The following GRIN2B variants were observed in gnomAD, a reference collection of about 807,000 sequenced individuals.
The protein encoded by GRIN2B is glutamate ionotropic receptor NMDA type subunit 2B, also known as glutamate receptor ionotropic, NMDA 2B.
Under a neutral mutation model 114.5 loss-of-function variants are expected in GRIN2B, and 5 were observed. The ratio of observed to expected loss-of-function variants is 0.04; its 90% CI spans 0.02 to 0.09. The LOEUF is 0.09. GRIN2B is among the 10% of genes least tolerant of loss of function. The pLI is 1.00. For missense variants in GRIN2B, 1,108 were observed against 1,943.5 expected, an observed-to-expected ratio of 0.57 and a Z score of 8.08; for synonymous variants, 787 against 745.1, an observed-to-expected ratio of 1.06 and a Z score of -0.92.
chr12:13,933,753 A>G (rs962830183), intron 2 of GRIN2B, among the ~76,000 whole-genome samples: 5 of 152,216 alleles, frequency 3.3e-5, no homozygotes, highest in African/African-American at 1.2e-4. Flanking sequence ...CTGCAGGTGC[A>G]TGGCCAAGTT....
At chr12:13,682,805 T>A (rs1274719341) in intron 4 of GRIN2B, among the ~76,000 whole-genome samples, 5 of 152,130 alleles carry the variant, frequency 3.3e-5, no homozygotes, top group Non-Finnish European at 7.4e-5. Context: ...AAATTCACCA[T>A]CTATTATGAA....
chr12:13,737,806 T>C (rs1204130436), intron 4 of GRIN2B, among the ~76,000 whole-genome samples: 1 of 152,224 alleles, frequency 6.6e-6, no homozygotes, highest in Non-Finnish European at 1.5e-5. Flanking sequence ...ACTTTAACAA[T>C]AGTAATAAGC....
At chr12:13,662,876 G>T (rs1949937658) in intron 5 of GRIN2B, among the ~76,000 whole-genome samples, 1 of 152,108 alleles carries the variant, frequency 6.6e-6, no homozygotes, top group African/African-American at 2.4e-5. Context: ...AAAATTAATG[G>T]CTGGAAAATA....
chr12:13,728,474 T>A (rs893618439), intron 4 of GRIN2B, among the ~76,000 whole-genome samples: 1 of 152,154 alleles, frequency 6.6e-6, no homozygotes, highest in Non-Finnish European at 1.5e-5. Flanking sequence ...AGAAATTTGT[T>A]TTGTAGGTAA....
In GRIN2B at chr12:13,544,513, G is replaced by C. The variant is rs1948320532; in HGVS notation, c.*18270C>G. 6.6e-6 allele frequency: 1 copy of C among 151,982 alleles called. No homozygotes were observed. The highest frequency in any genetic ancestry group is 2.1e-4 in the South Asian group (1 of 4,816). 9.4% of individuals were successfully genotyped at this position (151,982 alleles called of 1,614,324 possible). A position where few individuals can be genotyped will look rare whatever the true frequency, so the allele number is the denominator to read the frequency against. On this transcript the variant is annotated 3_prime_UTR_variant, in exon 14 of 14. Coordinates refer to ENST00000609686, the MANE Select transcript of GRIN2B (RefSeq NM_000834.5). ...GGCTATACATTTTCCCTGAACTCCA[G>C]GTCCATATATCTAATTGCCTAATCA...
intron 3 of GRIN2B, among the ~76,000 whole-genome samples, chr12:13,756,729 A>G (rs1863582974): frequency 6.6e-6 from 1 of 152,244 alleles, no homozygotes; most frequent in African/African-American, 2.4e-5. Flanking sequence ...GCTCTTGAAT[A>G]GATGCAAAGT....
chr12:13,684,794 C>A (rs1950162871), intron 4 of GRIN2B, among the ~76,000 whole-genome samples: 1 of 152,126 alleles, frequency 6.6e-6, no homozygotes. Flanking sequence ...GTGGTGAGAC[C>A]TTCCCAGAGA....
intron 5 of GRIN2B, among the ~76,000 whole-genome samples, chr12:13,663,260 A>G (rs1479004059): frequency 6.6e-6 from 1 of 152,190 alleles, no homozygotes; most frequent in Non-Finnish European, 1.5e-5. Context: ...TTGACATTAA[A>G]CCACTTTCCC....
rs115752838 is a variant in GRIN2B at position 13,619,964 on chromosome 12, G to A, written c.1126-3307C>T. Among the ~76,000 whole-genome samples, 284 of 152,244 alleles carry A rather than the reference G, an allele frequency of 1.9e-3. 3 individuals are homozygous for A. The highest frequency in any genetic ancestry group is 6.5e-3 in the African/African-American group (268 of 41,530). ...CTAGAGGGAAAAGACACTATCCATCGACAATAATAGGCTTTGGTAATTACT... is the reference window on the plus strand; with the variant it reads ...CTAGAGGGAAAAGACACTATCCATCAACAATAATAGGCTTTGGTAATTACT... On this transcript the variant is annotated intron_variant, in intron 5 of 13. Coordinates refer to ENST00000609686, the MANE Select transcript of GRIN2B (RefSeq NM_000834.5).
chr12:13,878,199 C>T (rs1866020090), intron 2 of GRIN2B, among the ~76,000 whole-genome samples: 1 of 151,990 alleles, frequency 6.6e-6, no homozygotes, highest in South Asian at 2.1e-4. Context: ...ATAGACAACA[C>T]AATCAGGAGA....
At chr12:13,651,843 G>A (rs752417530) in intron 5 of GRIN2B, among the ~76,000 whole-genome samples, 1 of 152,050 alleles carries the variant, frequency 6.6e-6, no homozygotes, top group African/African-American at 2.4e-5. Flanking sequence ...TCCTGAAAAA[G>A]TCATCTAACC....
intron 3 of GRIN2B, among the ~76,000 whole-genome samples, chr12:13,834,925 T>A (rs1865230950): frequency 6.6e-6 from 1 of 152,232 alleles, no homozygotes; most frequent in African/African-American, 2.4e-5. Flanking sequence ...TGTATTTTTT[T>A]AAACTCCCCA....
intron 10 of GRIN2B, among the ~76,000 whole-genome samples, chr12:13,578,937 C>T (rs1024788121): frequency 5.9e-5 from 9 of 151,940 alleles, no homozygotes; most frequent in African/African-American, 2.2e-4. Context: ...AAGGTTCTGA[C>T]ATGGGGGAAC....
chr12:13,537,577 C>A lies in GRIN2B; in HGVS notation c.*25206G>T, dbSNP rs1254893128. 2 of 152,106 alleles carry A rather than the reference C, an allele frequency of 1.3e-5. No homozygotes were observed. Among genetic ancestry groups the A allele is most frequent in the African/African-American group, 4.8e-5 (2 of 41,418 alleles). The allele number at this position is 152,106 out of a possible 1,614,324, so 9.4% of individuals were successfully genotyped here. ...GTTGTCCATGGTGAGAGGAGAGTGA[C>A]AACAAACAGCTGCCACATATAATGG... On this transcript the variant is annotated 3_prime_UTR_variant, in exon 14 of 14. Coordinates refer to ENST00000609686, the MANE Select transcript of GRIN2B (RefSeq NM_000834.5).
chr12:13,932,110 C>T (rs1451450072), intron 2 of GRIN2B, among the ~76,000 whole-genome samples: 2 of 152,192 alleles, frequency 1.3e-5, no homozygotes. Flanking sequence ...TCCTATCTAT[C>T]TTTCCAATTC....
chr12:13,563,229 C>G lies in GRIN2B; in HGVS notation c.4009G>C (p.Ala1337Pro), dbSNP rs201335987. 3.7e-6 allele frequency: 6 copies of G among 1,614,186 alleles called. No homozygotes were observed. The highest frequency in any genetic ancestry group is 4.2e-6 in the Non-Finnish European group (5 of 1,180,040). ...KGRFMDGSPY[A>P]HMFEMSAGES... ...CCAGCTGACATCTCAAACATGTGGG[C>G]GTAGGGGCTCCCATCCATGAATCGG... The change falls in exon 14 of 14, where the codon GCC becomes CCC. Residue 1337 changes from alanine (A) to proline (P), a missense_variant. By Grantham distance (27) the Ala-to-Pro change is conservative. Coordinates refer to ENST00000609686, the MANE Select transcript of GRIN2B (RefSeq NM_000834.5).
At chr12:13,812,936 T>A (rs1410615854) in intron 3 of GRIN2B, among the ~76,000 whole-genome samples, 1 of 148,162 alleles carries the variant, frequency 6.7e-6, no homozygotes, top group Non-Finnish European at 1.5e-5. Flanking sequence ...GGGAATTTTT[T>A]TTTTTTTTTT....
chr12:13,780,588 G>A (rs1864090893), intron 3 of GRIN2B, among the ~76,000 whole-genome samples: 6 of 152,160 alleles, frequency 3.9e-5, no homozygotes, highest in Admixed American at 3.9e-4. Context: ...ATTAAGGGCT[G>A]GAGGTAGATA....
chr12:13,882,935 T>C (rs1866093354), intron 2 of GRIN2B, among the ~76,000 whole-genome samples: 1 of 152,188 alleles, frequency 6.6e-6, no homozygotes, highest in African/African-American at 2.4e-5. Context: ...AGCCCTCTCC[T>C]GTGTGTGACA....
Sources: allele counts gnomAD v4.1 joint callset (sites outside exome capture counted in the v4.1 genomes callset), GRCh38; gene constraint gnomAD v4.1.1; transcripts MANE v1.5; gene names NCBI Gene and HGNC (gene_info 2026-07-23, HGNC 2026-07-21).